Variants in KDM4C observed in about 807,000 individuals in gnomAD.
KDM4C encodes the protein lysine demethylase 4C.
A neutral mutation model predicts 129.3 loss-of-function variants in KDM4C; 81 were observed. The observed-to-expected ratio is 0.63, with a 90% confidence interval of 0.52 to 0.75. The LOEUF (loss-of-function observed/expected upper bound fraction) is 0.75, where lower values mean the gene tolerates loss of function less well. KDM4C is among the 30% of genes least tolerant of loss of function. KDM4C has a pLI of 0.00. For synonymous variants in KDM4C, 573 were observed against 456.1 expected, an observed-to-expected ratio of 1.26 and a Z score of -3.26; for missense variants, 1,457 against 1,304.0, an observed-to-expected ratio of 1.12 and a Z score of -1.81.
chr9:7,131,544 C>G (rs1474136235), intron 19 of KDM4C, among the ~76,000 whole-genome samples: 1 of 152,070 alleles, frequency 6.6e-6, no homozygotes, highest in African/African-American at 2.4e-5. Context: ...TCTTGAACTC[C>G]CGGGCTCAAC....
At chr9:6,722,515 A>ATT (rs368905637) in intron 1 of KDM4C, among the ~76,000 whole-genome samples, 1 of 139,046 alleles carries the variant, frequency 7.2e-6, no homozygotes, top group Non-Finnish European at 1.6e-5. Context: ...CTATGTCTAT[A>ATT]TATTTTTTTT....
chr9:6,965,749 G>A (rs1471190627), intron 8 of KDM4C, among the ~76,000 whole-genome samples: 1 of 152,170 alleles, frequency 6.6e-6, no homozygotes, highest in Non-Finnish European at 1.5e-5. Context: ...GGCCCTTTCA[G>A]CTTGTTAGAT....
At chr9:6,815,851 C>G (rs1238186614) in intron 4 of KDM4C, among the ~76,000 whole-genome samples, 1 of 152,158 alleles carries the variant, frequency 6.6e-6, no homozygotes, top group East Asian at 1.9e-4. Flanking sequence ...AATATTTTGC[C>G]ACATTTGCTT....
intron 1 of KDM4C, among the ~76,000 whole-genome samples, chr9:6,764,829 C>T (rs186723101): frequency 6.6e-6 from 1 of 152,258 alleles, no homozygotes; most frequent in African/African-American, 2.4e-5. Context: ...ATTAATTTGG[C>T]ATCTCTACTT....
intron 4 of KDM4C, among the ~76,000 whole-genome samples, chr9:6,832,852 G>C (rs1835146773): frequency 6.7e-6 from 1 of 149,844 alleles, no homozygotes; most frequent in East Asian, 2.0e-4. Flanking sequence ...CTCAGACTCT[G>C]TAGTAGCTGG....
chr9:7,139,803 C>T (rs1841562888), intron 19 of KDM4C, among the ~76,000 whole-genome samples: 1 of 152,124 alleles, frequency 6.6e-6, no homozygotes, highest in South Asian at 2.1e-4. Context: ...TGGTAGTTGT[C>T]TGTATGAGTC....
At chr9:6,757,632 T>G (rs899840975), upstream of KDM4C, 4 of 985,330 alleles carry the variant, frequency 4.1e-6, no homozygotes, top group African/African-American at 7.0e-5. Context: ...CGTCCGCGCG[T>G]CGGAGGCCGC....
chr9:6,958,607 C>T (rs1187644779), intron 8 of KDM4C, among the ~76,000 whole-genome samples: 1 of 151,568 alleles, frequency 6.6e-6, no homozygotes, highest in Non-Finnish European at 1.5e-5. Flanking sequence ...AATCGTATCA[C>T]ACTGAGTAAG....
intron 19 of KDM4C, among the ~76,000 whole-genome samples, chr9:7,131,202 C>T (rs544121727): frequency 1.2e-4 from 19 of 152,228 alleles, no homozygotes; most frequent in Admixed American, 9.2e-4. Context: ...CTTGGTTCCC[C>T]GTTCCAGGCT....
chr9:6,741,863 T>C lies in KDM4C; in HGVS notation c.49+20866T>C, dbSNP rs114308023. Among the ~76,000 whole-genome samples the C allele has an allele frequency of 9.6e-3, 1,453 of 151,398 alleles. 22 individuals carry two copies. Among genetic ancestry groups the C allele is most frequent in the African/African-American group, 0.034 (1,384 of 41,288 alleles). On this transcript the variant is annotated intron_variant, in intron 1 of 17. Transcript: ENST00000536108. ...GATTATCCACGTGAGCCATCATGCC[T>C]GGCCTGTTAAGCATTTTAAAATGTT...
intron 8 of KDM4C, among the ~76,000 whole-genome samples, chr9:6,919,011 C>G (rs1044342961): frequency 2.0e-5 from 3 of 152,112 alleles, no homozygotes; most frequent in Non-Finnish European, 4.4e-5. Context: ...GCCACCATGC[C>G]TGGCTAATTT....
At chr9:6,922,551 A>G (rs1821723235) in intron 8 of KDM4C, among the ~76,000 whole-genome samples, 1 of 152,242 alleles carries the variant, frequency 6.6e-6, no homozygotes, top group Admixed American at 6.5e-5. Flanking sequence ...GTTTGAGATC[A>G]GTCTGGGCAA....
chr9:7,010,527 G>C (rs1391604993), intron 12 of KDM4C, among the ~76,000 whole-genome samples: 5 of 152,184 alleles, frequency 3.3e-5, no homozygotes, highest in Non-Finnish European at 7.3e-5. Flanking sequence ...TAAGCACATT[G>C]CTCTACAGTA....
intron 2 of KDM4C, among the ~76,000 whole-genome samples, chr9:6,798,191 T>C (rs1828109079): frequency 6.6e-6 from 1 of 152,162 alleles, no homozygotes; most frequent in Non-Finnish European, 1.5e-5. Flanking sequence ...GTGCCTTGCT[T>C]CTCTGTCTTT....
At chr9:6,909,031 C>T (rs1818818037) in intron 8 of KDM4C, among the ~76,000 whole-genome samples, 1 of 152,230 alleles carries the variant, frequency 6.6e-6, no homozygotes, top group African/African-American at 2.4e-5. Flanking sequence ...TGAGTGCATT[C>T]TCCCATTTTT....
At chr9:6,817,719 A>G (rs1412810145) in intron 4 of KDM4C, among the ~76,000 whole-genome samples, 1 of 152,088 alleles carries the variant, frequency 6.6e-6, no homozygotes, top group African/African-American at 2.4e-5. Flanking sequence ...AAACGTGAAG[A>G]AGAGAATAAA....
chr9:7,174,965 C>G lies in KDM4C; in HGVS notation c.*236C>G. On this transcript the variant is annotated 3_prime_UTR_variant, in exon 22 of 22. Transcript: ENST00000381309. ...GCTTTCACTTGTGAGCAGTTGTCTT[C>G]TATGATCCCAAAGAAGTTTTCTAAG... The G allele has an allele frequency of 2.5e-6, 1 of 399,352 alleles. No homozygotes were observed. The highest frequency in any genetic ancestry group is 4.6e-6 in the Non-Finnish European group (1 of 218,552). The allele number at this position is 399,352 out of a possible 1,614,324, so 24.7% of individuals were successfully genotyped here. A position where few individuals can be genotyped will look rare whatever the true frequency, so the allele number is the denominator to read the frequency against.
intron 18 of KDM4C, among the ~76,000 whole-genome samples, chr9:7,105,819 G>T (rs1430483555): frequency 1.3e-5 from 2 of 152,138 alleles, no homozygotes; most frequent in African/African-American, 2.4e-5. Context: ...CTCATGTGTG[G>T]TTCAGTCAAG....
intron 4 of KDM4C, among the ~76,000 whole-genome samples, chr9:6,828,697 C>T (rs978503835): frequency 1.3e-5 from 2 of 152,012 alleles, no homozygotes; most frequent in Non-Finnish European, 2.9e-5. Context: ...GTGGAGAAAC[C>T]TCGTCTCTAC....
Sources: allele counts gnomAD v4.1 joint callset (sites outside exome capture counted in the v4.1 genomes callset), GRCh38; gene constraint gnomAD v4.1.1; transcripts MANE v1.5; gene names NCBI Gene and HGNC (gene_info 2026-07-23, HGNC 2026-07-21).